The following TLK1 variants were observed in gnomAD, a reference collection of about 807,000 sequenced individuals.
TLK1 encodes the protein serine/threonine-protein kinase tousled-like 1.
TLK1 carries 24 observed loss-of-function variants against 105.3 expected under a neutral mutation model. The ratio of observed to expected loss-of-function variants is 0.23; its 90% confidence interval spans 0.17 to 0.32. The LOEUF (loss-of-function observed/expected upper bound fraction) is 0.32, where lower values mean the gene tolerates loss of function less well. Ranked by LOEUF, TLK1 falls within the 10% of genes least tolerant of loss-of-function variation. The pLI is 1.00. For synonymous variants in TLK1, 321 were observed against 310.4 expected (o/e 1.03, Z -0.36); for missense variants, 558 against 910.5 (o/e 0.61, Z 4.98).
intron 2 of TLK1, among the ~76,000 whole-genome samples, chr2:171,092,228 C>A (rs1689267198): frequency 6.6e-6 from 1 of 152,066 alleles, no homozygotes; most frequent in Non-Finnish European, 1.5e-5. Context: ...GGGTTTATTT[C>A]TGCCAAAGAA....
chr2:170,994,537 A>AC (rs1328758292), intron 20 of TLK1, among the ~76,000 whole-genome samples: 4 of 120,112 alleles, frequency 3.3e-5, no homozygotes, highest in Non-Finnish European at 5.3e-5. Flanking sequence ...ATAGCCTCTT[A>AC]CAAAAAAAAA....
chr2:171,230,306 A>G (rs1193329023), intron 1 of TLK1, among the ~76,000 whole-genome samples: 1 of 152,202 alleles, frequency 6.6e-6, no homozygotes, highest in Non-Finnish European at 1.5e-5. Context: ...TGCAACCAAA[A>G]GCTATGTAGC....
At chr2:171,033,582 C>A (rs13386362) in intron 11 of TLK1, among the ~76,000 whole-genome samples, 1 of 147,684 alleles carries the variant, frequency 6.8e-6, no homozygotes, top group Admixed American at 7.8e-5. Flanking sequence ...ATGTTTATAA[C>A]AAAGAAATGA....
chr2:171,109,143 G>A (rs1317613820), intron 2 of TLK1, among the ~76,000 whole-genome samples: 1 of 152,128 alleles, frequency 6.6e-6, no homozygotes, highest in East Asian at 1.9e-4. Flanking sequence ...GATACGCCAA[G>A]TTGACAATGC....
rs565034922 is a variant in TLK1, at chr2:171,092,968, T to C, written c.259-10116A>G. On this transcript the variant is annotated intron_variant, in intron 2 of 20. Coordinates refer to ENST00000431350, the MANE Select transcript of TLK1 (RefSeq NM_012290.5). The stretch of plus-strand genomic sequence containing the variant: ...ATACTGGGCAGTGCTAAGAACATAA[T>C]ATTAAAGCAAGTCCAGAAGGACCAC... 1.1e-4 allele frequency among the ~76,000 whole-genome samples: 16 copies of C among 152,230 alleles called. No homozygotes were observed. In the South Asian group the frequency reaches 1.2e-3, roughly 12 times the overall value.
At chr2:171,136,314 G>C (rs1191315773) in intron 1 of TLK1, among the ~76,000 whole-genome samples, 1 of 152,196 alleles carries the variant, frequency 6.6e-6, no homozygotes, top group African/African-American at 2.4e-5. Flanking sequence ...TGGGGCCTAG[G>C]GGCAGAGGGG....
chr2:171,186,901 T>C (rs2105310980), intron 1 of TLK1, among the ~76,000 whole-genome samples: 1 of 151,162 alleles, frequency 6.6e-6, no homozygotes, highest in Admixed American at 6.6e-5. Context: ...CTACTAAAAA[T>C]ACAAAAATTG....
At chr2:171,185,071 C>A (rs552935792) in intron 1 of TLK1, among the ~76,000 whole-genome samples, 1 of 152,178 alleles carries the variant, frequency 6.6e-6, no homozygotes, top group Admixed American at 6.5e-5. Flanking sequence ...GATCTCCTGA[C>A]CTCATGATCT....
chr2:171,225,394 A>T (rs960676657), intron 1 of TLK1, among the ~76,000 whole-genome samples: 3 of 152,166 alleles, frequency 2.0e-5, no homozygotes, highest in African/African-American at 7.2e-5. Flanking sequence ...TAACATCATT[A>T]GTCATCAGGG....
chr2:171,006,748 A>G, intron 16 of TLK1, 52 bp downstream of exon 16: 9 of 1,593,126 alleles, frequency 5.6e-6, no homozygotes, highest in Non-Finnish European at 6.0e-6. Context: ...GGATGGGGAA[A>G]GAGAAAGCAA....
intron 3 of TLK1, among the ~76,000 whole-genome samples, chr2:171,070,215 T>C (rs1358319442): frequency 1.3e-5 from 2 of 152,136 alleles, no homozygotes; most frequent in African/African-American, 4.8e-5. Context: ...GGGTACACAG[T>C]AGGTGTATAT....
intron 1 of TLK1, among the ~76,000 whole-genome samples, chr2:171,211,636 G>A (rs1366494543): frequency 1.3e-5 from 2 of 151,890 alleles, no homozygotes; most frequent in South Asian, 2.1e-4. Flanking sequence ...TGCAGCATCC[G>A]CCTCCCGGGT....
At chr2:171,107,489 C>T (rs1689979506) in intron 2 of TLK1, among the ~76,000 whole-genome samples, 1 of 152,162 alleles carries the variant, frequency 6.6e-6, no homozygotes, top group Non-Finnish European at 1.5e-5. Context: ...AGCTGGCATT[C>T]TTCTAAGAGA....
intron 11 of TLK1, among the ~76,000 whole-genome samples, chr2:171,036,664 G>A (rs571985388): frequency 1.3e-5 from 2 of 152,352 alleles, no homozygotes; most frequent in South Asian, 4.1e-4. Flanking sequence ...CGTACTGTGG[G>A]AGGAGGTAAC....
intron 2 of TLK1, among the ~76,000 whole-genome samples, chr2:171,092,799 A>G (rs1167618177): frequency 3.9e-5 from 6 of 152,150 alleles, no homozygotes; most frequent in Non-Finnish European, 8.8e-5. Context: ...AACCTTACAC[A>G]TGAGTACTTT....
chr2:171,118,542 A>G (rs182083205), intron 1 of TLK1, among the ~76,000 whole-genome samples: 1 of 152,320 alleles, frequency 6.6e-6, no homozygotes, highest in East Asian at 1.9e-4. Context: ...CTGAAGTAAC[A>G]CTTACTAGTA....
chr2:171,005,435 C>CA (rs1329592054), intron 18 of TLK1, among the ~76,000 whole-genome samples: 2 of 152,188 alleles, frequency 1.3e-5, no homozygotes, highest in Non-Finnish European at 2.9e-5. Flanking sequence ...TCACAGCCAA[C>CA]AAAACATCCA....
chr2:171,151,140 C>A (rs888667395), intron 1 of TLK1, among the ~76,000 whole-genome samples: 4 of 152,014 alleles, frequency 2.6e-5, no homozygotes, highest in Non-Finnish European at 4.4e-5. Context: ...ACCTCAGCCT[C>A]CCAACTAGCT....
intron 2 of TLK1, among the ~76,000 whole-genome samples, chr2:171,096,321 G>A (rs763205685): frequency 1.6e-4 from 24 of 151,978 alleles, no homozygotes; most frequent in Non-Finnish European, 2.9e-4. Context: ...TCAACATAGC[G>A]AGACCCCATC....
Sources: gnomAD v4.1 joint callset for allele counts (sites outside exome capture counted in the v4.1 genomes callset) on GRCh38, gnomAD v4.1.1 for gene constraint, MANE v1.5 for transcripts, NCBI Gene and HGNC (gene_info 2026-07-23, HGNC 2026-07-21) for gene names.